The following SKAP2 variants were observed in gnomAD, a reference collection of about 807,000 sequenced individuals.
SKAP2 encodes the protein src kinase-associated phosphoprotein 2.
SKAP2 carries 28 observed loss-of-function variants against 54.9 expected under a neutral mutation model. That is an observed-to-expected ratio of 0.51 (90% confidence interval 0.38 to 0.70). The LOEUF (loss-of-function observed/expected upper bound fraction) is 0.70, where lower values mean the gene tolerates loss of function less well. Among genes scored for constraint, SKAP2 ranks in the 30% least tolerant of loss-of-function variants. SKAP2 has a pLI of 0.00. For missense variants in SKAP2, 356 were observed against 424.1 expected (o/e 0.84, Z 1.41); for synonymous variants, 137 against 134.3 (o/e 1.02, Z -0.14).
chr7:26,657,756 G>T, the SKAP2 span, among the ~76,000 whole-genome samples: 2 of 54,806 alleles, frequency 3.6e-5, no homozygotes. Flanking sequence ...CCCAACTTAC[G>T]CACTGACACA....
At position 26,675,753 on chromosome 7, in the gene SKAP2, C is replaced by T. The variant is rs142742225; in HGVS notation, c.988-5561G>A. Among the ~76,000 whole-genome samples, 26 of 152,296 alleles carry T rather than the reference C, an allele frequency of 1.7e-4. No individual in the cohort carries two copies. In the East Asian group the frequency reaches 4.8e-3, roughly 28 times the overall value. On this transcript the variant is annotated intron_variant, in intron 11 of 12. Transcript: ENST00000345317. The stretch of plus-strand genomic sequence containing the variant: ...GACGAAACAAGCATTTGTTCTGAAG[C>T]ATTCACATGTAGCTGAGTGGGCGAT...
At chr7:26,739,823 T>C in intron 5 of SKAP2, 64 bp downstream of exon 5, 2 of 1,179,554 alleles carry the variant, frequency 1.7e-6, no homozygotes, top group Non-Finnish European at 2.5e-6. Flanking sequence ...ACATGTATAC[T>C]ACAAACATGT....
At chr7:26,846,589 GA>G (rs1395942235) in intron 3 of SKAP2, among the ~76,000 whole-genome samples, 24 of 152,228 alleles carry the variant, frequency 1.6e-4, no homozygotes, top group African/African-American at 5.5e-4. Flanking sequence ...TACACAAACT[GA>G]TCACTAACAG....
intron 6 of SKAP2, among the ~76,000 whole-genome samples, chr7:26,733,371 A>G (rs766976368): frequency 3.9e-5 from 6 of 151,958 alleles, no homozygotes; most frequent in Non-Finnish European, 4.4e-5. Context: ...ATAAAATTAT[A>G]TAATTACAAT....
chr7:26,712,098 T>C (rs1787322962), intron 9 of SKAP2, among the ~76,000 whole-genome samples: 1 of 152,202 alleles, frequency 6.6e-6, no homozygotes, highest in Non-Finnish European at 1.5e-5. Flanking sequence ...TAGAGCAGTA[T>C]AGGTTGAATA....
chr7:26,777,897 AT>A (rs201742837), intron 4 of SKAP2, among the ~76,000 whole-genome samples: 102 of 151,412 alleles, frequency 6.7e-4, no homozygotes, highest in African/African-American at 2.0e-3. Flanking sequence ...CTACATACTC[AT>A]TTTTTTTTAA....
At chr7:26,845,455 T>C (rs73280752) in intron 3 of SKAP2, among the ~76,000 whole-genome samples, 2,576 of 152,340 alleles carry the variant, frequency 0.017, 88 homozygotes, top group African/African-American at 0.057. Flanking sequence ...GATGGCTATA[T>C]TGTCATCCTT....
chr7:26,665,618 A>T (rs2128082087), downstream of SKAP2, among the ~76,000 whole-genome samples: 1 of 152,324 alleles, frequency 6.6e-6, no homozygotes, highest in East Asian at 1.9e-4. Context: ...AGATTCTACT[A>T]GCAGAAACAA....
At position 26,738,138 on chromosome 7, in the gene SKAP2, A is replaced by C. The variant is rs537644692; in HGVS notation, c.469+657T>G. Among the ~76,000 whole-genome samples the C allele has an allele frequency of 5.9e-5, 9 of 152,266 alleles. 1 individual carries two copies. In the East Asian group the frequency reaches 1.2e-3, roughly 20 times the overall value. On this transcript the variant is annotated intron_variant, in intron 6 of 12. Transcript: ENST00000345317. The stretch of plus-strand genomic sequence containing the variant: ...CCCTGTTTCTAAAAACAAAGGAAAA[A>C]CAAATTCCTAGATCTGCCATTTTCC...
At chr7:26,707,943 C>G (rs1787201959) in intron 9 of SKAP2, among the ~76,000 whole-genome samples, 1 of 152,136 alleles carries the variant, frequency 6.6e-6, no homozygotes. Flanking sequence ...TAAAACCATC[C>G]TTAGGAGAAG....
chr7:26,833,969 G>A (rs1473821602), intron 4 of SKAP2, among the ~76,000 whole-genome samples: 3 of 152,144 alleles, frequency 2.0e-5, no homozygotes, highest in South Asian at 2.1e-4. Context: ...CTCAGCAAAT[G>A]CAAAAGAACA....
At chr7:26,782,958 T>G (rs759896494) in intron 4 of SKAP2, among the ~76,000 whole-genome samples, 2 of 152,186 alleles carry the variant, frequency 1.3e-5, no homozygotes, top group Non-Finnish European at 2.9e-5. Context: ...GCAGCCTGAA[T>G]GGACTAAGAC....
intron 4 of SKAP2, among the ~76,000 whole-genome samples, chr7:26,810,489 A>G (rs1219779397): frequency 1.3e-5 from 2 of 152,316 alleles, no homozygotes; most frequent in East Asian, 1.9e-4. Context: ...AAGTTCAGAA[A>G]TCTATTGTAC....
intron 4 of SKAP2, among the ~76,000 whole-genome samples, chr7:26,796,310 G>A (rs1030929797): frequency 6.7e-6 from 1 of 148,208 alleles, no homozygotes; most frequent in Admixed American, 6.8e-5. Flanking sequence ...TGAGTGTTAC[G>A]AAAATCTGCT....
At chr7:26,859,501 A>C (rs536429126) in intron 1 of SKAP2, among the ~76,000 whole-genome samples, 28 of 152,220 alleles carry the variant, frequency 1.8e-4, no homozygotes, top group Non-Finnish European at 3.2e-4. Flanking sequence ...CTTTTCAAAC[A>C]TGGAAAAGGT....
chr7:26,707,229 G>A (rs1787181329), intron 9 of SKAP2, among the ~76,000 whole-genome samples: 1 of 151,868 alleles, frequency 6.6e-6, no homozygotes, highest in Non-Finnish European at 1.5e-5. Flanking sequence ...GCATGGTGGT[G>A]CACACCTGTA....
intron 4 of SKAP2, among the ~76,000 whole-genome samples, chr7:26,775,821 C>A (rs763369580): frequency 6.6e-6 from 1 of 152,130 alleles, no homozygotes; most frequent in Non-Finnish European, 1.5e-5. Context: ...CTTCACTCAG[C>A]GTAACTGCCC....
At chr7:26,724,825 CAGA>C (rs1787663756) in intron 9 of SKAP2, among the ~76,000 whole-genome samples, 1 of 152,120 alleles carries the variant, frequency 6.6e-6, no homozygotes. Context: ...TGTTACATAA[CAGA>C]CAGGCATGTA....
intron 4 of SKAP2, 64 bp from the exon 5 acceptor site, chr7:26,740,028 C>T: frequency 6.1e-6 from 6 of 989,168 alleles, no homozygotes; most frequent in Non-Finnish European, 9.2e-6. Context: ...TAAACAAGTG[C>T]CAGATCTCAT....
Sources: gnomAD v4.1 joint callset for allele counts (sites outside exome capture counted in the v4.1 genomes callset) on GRCh38, gnomAD v4.1.1 for gene constraint, MANE v1.5 for transcripts, NCBI Gene and HGNC (gene_info 2026-07-23, HGNC 2026-07-21) for gene names.